Variants in FAM3D observed in about 807,000 individuals in gnomAD.
FAM3D encodes the protein protein FAM3D.
Under a neutral mutation model 29.8 loss-of-function variants are expected in FAM3D, and 26 were observed. The observed-to-expected ratio is 0.87, with a 90% CI of 0.64 to 1.21. FAM3D has a LOEUF of 1.21. Among genes scored for constraint, FAM3D ranks in the 50% most tolerant of loss-of-function variants. The pLI, the probability that FAM3D is intolerant of heterozygous loss-of-function variation, is 0.00. For missense variants in FAM3D, 253 were observed against 290.9 expected, an observed-to-expected ratio of 0.87 and a Z score of 0.95; for synonymous variants, 115 against 102.3, an observed-to-expected ratio of 1.12 and a Z score of -0.75.
chr3:58,652,979 T>TC (rs1491311916), intron 3 of FAM3D, among the ~76,000 whole-genome samples: 3 of 101,784 alleles, frequency 2.9e-5, no homozygotes, highest in Non-Finnish European at 6.8e-5. Flanking sequence ...CATCCATCCG[T>TC]TTTTTTTTTT....
At chr3:58,649,869 T>C (rs1479648024) in intron 3 of FAM3D, among the ~76,000 whole-genome samples, 1 of 152,144 alleles carries the variant, frequency 6.6e-6, no homozygotes, top group Non-Finnish European at 1.5e-5. Flanking sequence ...GTAGATGGCA[T>C]GTGTGATGAC....
chr3:58,640,118 G>A lies in FAM3D; in HGVS notation c.373+9C>T. The A allele has an allele frequency of 6.2e-7, 1 of 1,614,130 alleles. No homozygotes were observed. Among genetic ancestry groups the A allele is most frequent in the Non-Finnish European group, 8.5e-7 (1 of 1,179,998 alleles). On this transcript the variant is annotated intron_variant, in intron 7 of 9. Transcript: ENST00000358781. ...CGACTGTGACTTCAGTGTCAGCAGAGGCACCTACCTCCAGAGTACATGTCA... is the reference window on the plus strand; with the variant it reads ...CGACTGTGACTTCAGTGTCAGCAGAAGCACCTACCTCCAGAGTACATGTCA...
chr3:58,651,788 C>T (rs1413661877), intron 3 of FAM3D, among the ~76,000 whole-genome samples: 1 of 149,860 alleles, frequency 6.7e-6, no homozygotes, highest in Non-Finnish European at 1.5e-5. Context: ...ATTAGTGCAG[C>T]CACATCACTG....
intron 1 of FAM3D, among the ~76,000 whole-genome samples, chr3:58,656,999 T>C (rs142984083): frequency 2.3e-3 from 354 of 152,332 alleles, no homozygotes; most frequent in African/African-American, 8.3e-3. Context: ...CCTACTCCTC[T>C]AGGGCCTTCC....
chr3:58,652,680 A>G (rs1335860938), intron 3 of FAM3D, among the ~76,000 whole-genome samples: 2 of 151,838 alleles, frequency 1.3e-5, no homozygotes, highest in African/African-American at 2.4e-5. Flanking sequence ...CCATCCAGCC[A>G]TTCACACATT....
intron 6 of FAM3D, among the ~76,000 whole-genome samples, chr3:58,641,633 G>T (rs2066337770): frequency 6.6e-6 from 1 of 152,150 alleles, no homozygotes; most frequent in Non-Finnish European, 1.5e-5. Flanking sequence ...CTCTCAAAGT[G>T]CTGGGATTAC....
intron 8 of FAM3D, 63 bp downstream of exon 8, chr3:58,637,078 C>T (rs1182224840): frequency 7.2e-7 from 1 of 1,395,434 alleles, no homozygotes; most frequent in Admixed American, 1.8e-5. Context: ...AAAGGGTGTG[C>T]AGGGTTTGAA....
At chr3:58,653,086 T>A (rs556435566) in intron 3 of FAM3D, among the ~76,000 whole-genome samples, 2 of 152,282 alleles carry the variant, frequency 1.3e-5, no homozygotes, top group East Asian at 3.9e-4. Flanking sequence ...AAGCTCACAT[T>A]CTAGGGTGTG....
At chr3:58,658,490 C>T (rs2066867240) in intron 1 of FAM3D, among the ~76,000 whole-genome samples, 1 of 152,114 alleles carries the variant, frequency 6.6e-6, no homozygotes, top group Non-Finnish European at 1.5e-5. Flanking sequence ...TTTGCACTTG[C>T]GAGTCCCTCT....
intron 3 of FAM3D, among the ~76,000 whole-genome samples, chr3:58,650,217 C>T (rs1057372279): frequency 6.6e-6 from 1 of 152,208 alleles, no homozygotes; most frequent in Non-Finnish European, 1.5e-5. Context: ...GGGGAACCCC[C>T]CCCAACACTT....
intron 1 of FAM3D, among the ~76,000 whole-genome samples, chr3:58,660,851 A>G (rs1008652559): frequency 1.1e-4 from 16 of 152,196 alleles, no homozygotes; most frequent in African/African-American, 3.9e-4. Context: ...AGCTCAATGA[A>G]GAAGTAAGGG....
At chr3:58,654,323 T>C (rs1174177114) in intron 2 of FAM3D, among the ~76,000 whole-genome samples, 10 of 152,162 alleles carry the variant, frequency 6.6e-5, no homozygotes, top group African/African-American at 2.4e-4. Flanking sequence ...GGCAGGGATA[T>C]TGTAGTTGTC....
At chr3:58,643,584 G>A in intron 6 of FAM3D, 78 bp downstream of exon 6, 1 of 1,441,628 alleles carries the variant, frequency 6.9e-7, no homozygotes, top group Non-Finnish European at 9.8e-7. Flanking sequence ...AGCCAATGTT[G>A]GTTGAATGAA....
intron 1 of FAM3D, among the ~76,000 whole-genome samples, chr3:58,665,874 A>G (rs145339348): frequency 6.6e-6 from 1 of 152,258 alleles, no homozygotes; most frequent in African/African-American, 2.4e-5. Context: ...GATGATTATC[A>G]TAGTTGCGTA....
intron 4 of FAM3D, among the ~76,000 whole-genome samples, chr3:58,647,746 G>A (rs954564077): frequency 1.3e-5 from 2 of 152,296 alleles, no homozygotes; most frequent in Admixed American, 1.3e-4. Flanking sequence ...GCTCCCATCA[G>A]CTGCCTCAAT....
At chr3:58,643,267 G>T (rs1478228493) in intron 6 of FAM3D, among the ~76,000 whole-genome samples, 1 of 152,242 alleles carries the variant, frequency 6.6e-6, no homozygotes, top group Non-Finnish European at 1.5e-5. Context: ...GCCCACAGTA[G>T]CTGCTGCCTG....
chr3:58,638,431 G>A (rs1406238782), intron 7 of FAM3D, among the ~76,000 whole-genome samples: 1 of 152,216 alleles, frequency 6.6e-6, no homozygotes, highest in African/African-American at 2.4e-5. Flanking sequence ...AAATGAGGAT[G>A]AGTAACAGCC....
At chr3:58,639,784 G>A (rs1388272617) in intron 7 of FAM3D, among the ~76,000 whole-genome samples, 1 of 152,190 alleles carries the variant, frequency 6.6e-6, no homozygotes, top group East Asian at 1.9e-4. Context: ...CCCATGAGTT[G>A]GGATGGAGAT....
At chr3:58,653,648 T>C in intron 3 of FAM3D, 26 bp downstream of exon 3, 2 of 1,603,896 alleles carry the variant, frequency 1.2e-6, no homozygotes, top group Middle Eastern at 1.8e-4. Flanking sequence ...CTGCAGTTCC[T>C]GCCCCCAGCA....
Sources: gnomAD v4.1 joint callset for allele counts (sites outside exome capture counted in the v4.1 genomes callset) on GRCh38, gnomAD v4.1.1 for gene constraint, MANE v1.5 for transcripts, NCBI Gene and HGNC (gene_info 2026-07-23, HGNC 2026-07-21) for gene names.